The following SLC9A3 variants were observed in gnomAD, a reference collection of about 807,000 sequenced individuals.
SLC9A3 encodes solute carrier family 9 member A3.
In SLC9A3, 37 loss-of-function variants were observed where a neutral mutation model predicts 86.8. That is an observed-to-expected ratio of 0.43 (90% CI 0.33 to 0.56). The LOEUF (loss-of-function observed/expected upper bound fraction) is 0.56. Among genes scored for constraint, SLC9A3 ranks in the 20% least tolerant of loss-of-function variants. The pLI, the probability that SLC9A3 is intolerant of heterozygous loss-of-function variation, is 0.06. For missense variants in SLC9A3, 1,011 were observed against 1,171.9 expected, an observed-to-expected ratio of 0.86 and a Z score of 2.00; for synonymous variants, 581 against 528.3, an observed-to-expected ratio of 1.10 and a Z score of -1.37.
rs1238298096 is a variant in SLC9A3, at chr5:485,239, G to A, written c.676-8C>T. 2 of 1,612,046 alleles carry A rather than the reference G, an allele frequency of 1.2e-6. No individual in the cohort carries two copies. Among genetic ancestry groups the A allele is most frequent in the Admixed American group, 3.3e-5 (2 of 59,918 alleles). ...AAACACATTGTACAGAACCTGCAGGGAAAACGGGCAGGGCGTTGGGTGGTC... is the reference window on the plus strand; with the variant it reads ...AAACACATTGTACAGAACCTGCAGGAAAAACGGGCAGGGCGTTGGGTGGTC... On this transcript the variant is annotated splice_region_variant and splice_polypyrimidine_tract_variant and intron_variant, in intron 3 of 16. Transcript: ENST00000264938.
Position 476,359 on chromosome 5 carries a change from C to CGGCT in SLC9A3, c.1906_1909dup (p.Arg637GlnfsTer92). On this transcript the variant is annotated frameshift_variant, in exon 13 of 17. Transcript: ENST00000264938. LOFTEE classifies it high-confidence loss of function. ...GTCCTCCGTGGGCGTGAGCTCGTGT[C>CGGCT]GGCTGTACAGATGCTTGTACTGCGG... 6.2e-7 allele frequency: 1 copy of CGGCT among 1,613,800 alleles called. No individual in the cohort carries two copies. Among genetic ancestry groups the CGGCT allele is most frequent in the South Asian group, 1.1e-5 (1 of 91,060 alleles).
rs565833427 is a variant in SLC9A3 at position 503,944 on chromosome 5, A to T, written c.212-11873T>A. 2.4e-4 allele frequency among the ~76,000 whole-genome samples: 36 copies of T among 152,250 alleles called. 1 individual carries two copies. Among genetic ancestry groups the T allele is most frequent in the Admixed American group, 3.9e-4 (6 of 15,290 alleles). On this transcript the variant is annotated intron_variant, in intron 1 of 16. Coordinates refer to ENST00000264938, the MANE Select transcript of SLC9A3 (RefSeq NM_004174.4). The stretch of plus-strand genomic sequence containing the variant: ...GAGCTCTTGGGGGGTTCCCATCTTC[A>T]CCCGGTGCCTGGATTCTCAGGGTCC...
chr5:479,659 C>T lies in SLC9A3; in HGVS notation c.1647+177G>A, dbSNP rs192757127. ...GGACTCTGTGACTCAGTTTACCCCA[C>T]GAGAGCCCCTGGGATTCCCAGGGCA... On this transcript the variant is annotated intron_variant, in intron 10 of 16. Transcript: ENST00000264938. 5.0e-4 allele frequency: 309 copies of T among 616,694 alleles called. 3 individuals carry two copies. The East Asian group carries it at 8.3e-3, about 17-fold the overall frequency. 38.2% of individuals were successfully genotyped at this position (616,694 alleles called of 1,614,324 possible).
At chr5:509,582 G>A (rs570039930) in intron 1 of SLC9A3, among the ~76,000 whole-genome samples, 84 of 152,244 alleles carry the variant, frequency 5.5e-4, no homozygotes, top group African/African-American at 1.9e-3. Context: ...TGGAACCCTG[G>A]AACTCAGGCG....
At position 496,233 on chromosome 5, in the gene SLC9A3, C is replaced by CT. The variant is rs1481903465; in HGVS notation, c.212-4163_212-4162insA. Among the ~76,000 whole-genome samples the CT allele has an allele frequency of 6.6e-6, 1 of 152,156 alleles. No homozygotes were observed. The highest frequency in any genetic ancestry group is 1.5e-5 in the Non-Finnish European group (1 of 68,042). On this transcript the variant is annotated intron_variant, in intron 1 of 16. Coordinates refer to ENST00000264938, the MANE Select transcript of SLC9A3 (RefSeq NM_004174.4). The surrounding 1 kb of genome is among the most constrained non-coding windows in gnomAD (Gnocchi z 4.7). ...CGCCTTTCCCATGTGCGGTGGCGTC[C>CT]GAGGGCAGCTCCTGCAGTCTTCAGG...
In SLC9A3 at chr5:472,217, CAGG is replaced by C. The variant is rs1171329133; in HGVS notation, c.*1159_*1161del. ...GCTGGATGGTCTCCCTGCAGAGGAC[CAGG>C]AGCTCTGTCCAAGGCCTCGCCCTGG... is the stretch of plus-strand genomic sequence containing the variant. On this transcript the variant is annotated 3_prime_UTR_variant, in exon 17 of 17. Coordinates refer to ENST00000264938, the MANE Select transcript of SLC9A3 (RefSeq NM_004174.4). 1 of 360,596 alleles carries C rather than the reference CAGG, an allele frequency of 2.8e-6. No individual in the cohort carries two copies. Among genetic ancestry groups the C allele is most frequent in the Non-Finnish European group, 5.4e-6 (1 of 183,950 alleles). The allele number at this position is 360,596 out of a possible 1,614,324, so 22.3% of individuals were successfully genotyped here.
In SLC9A3 at chr5:476,308, T is replaced by C. The variant is rs777937971; in HGVS notation, c.1961A>G (p.His654Arg). ...EDEKQDREIF[H>R]RTMRKRLESF... ...CTCCAGGCGCTTCCGCATGGTCCTGTGGAAGATTTCCCGGTCCTGTTTCTC... is the reference window on the plus strand; with the variant it reads ...CTCCAGGCGCTTCCGCATGGTCCTGCGGAAGATTTCCCGGTCCTGTTTCTC... The change falls in exon 13 of 17, where the codon CAC becomes CGC. Residue 654 changes from histidine (H) to arginine (R), a missense_variant. Coordinates refer to ENST00000264938, the MANE Select transcript of SLC9A3 (RefSeq NM_004174.4). 1.9e-6 allele frequency: 3 copies of C among 1,613,986 alleles called. No individual in the cohort carries two copies. The highest frequency in any genetic ancestry group is 2.5e-6 in the Non-Finnish European group (3 of 1,179,994).
chr5:491,705 G>A lies in SLC9A3; in HGVS notation c.514+64C>T. Reference sequence around the variant, plus strand: ...CGGCACCCCGACCTTTCTGAGATGAGGCAGCGCCGCCCCTCCCGGACCCCA... The same window carrying A: ...CGGCACCCCGACCTTTCTGAGATGAAGCAGCGCCGCCCCTCCCGGACCCCA... On this transcript the variant is annotated intron_variant, in intron 2 of 16. Coordinates refer to ENST00000264938, the MANE Select transcript of SLC9A3 (RefSeq NM_004174.4). This position sits in a 1 kb window ranked among gnomAD's most constrained non-coding sequence, Gnocchi z 9.2. The A allele has an allele frequency of 7.1e-7, 1 of 1,401,048 alleles. No homozygotes were observed. The allele number at this position is 1,401,048 out of a possible 1,614,324, so 86.8% of individuals were successfully genotyped here.
At chr5:519,461 C>G (rs1189520232) in intron 1 of SLC9A3, among the ~76,000 whole-genome samples, 4 of 152,198 alleles carry the variant, frequency 2.6e-5, no homozygotes, top group African/African-American at 9.7e-5. Flanking sequence ...GTGAAGGTGA[C>G]CCACAGCTGC....
intron 1 of SLC9A3, among the ~76,000 whole-genome samples, chr5:498,734 G>A (rs1474978597): frequency 3.9e-5 from 6 of 152,212 alleles, no homozygotes; most frequent in Non-Finnish European, 8.8e-5. Context: ...TGTGCCCGCC[G>A]TGGAAGGTTC....
chr5:506,995 C>G (rs1015088334), intron 1 of SLC9A3, among the ~76,000 whole-genome samples: 1 of 149,510 alleles, frequency 6.7e-6, no homozygotes, highest in East Asian at 2.0e-4. Context: ...CGCTTGAACC[C>G]GGGAGGTGGA....
intron 8 of SLC9A3, 64 bp from the exon 9 acceptor site, chr5:481,699 C>A (rs1157018308): frequency 7.4e-7 from 1 of 1,349,956 alleles, no homozygotes; most frequent in African/African-American, 1.4e-5. Flanking sequence ...AGGTGCCCCT[C>A]CACTCCTGGC....
In SLC9A3 at chr5:481,587, C is replaced by T. The variant is rs544590423; in HGVS notation, c.1495G>A (p.Gly499Arg). The change falls in exon 9 of 17, where the codon GGG (glycine) becomes AGG (arginine). Residue 499 changes from glycine (G) to arginine (R), a missense_variant. Transcript: ENST00000264938. ...SAIEDISGQI[G>R]HNYLRDKWSH... ...TACTTGTCTCTGAGATAATTGTGCC[C>T]GATCTGTCCGGATATGTCCTCGATG... is the stretch of plus-strand genomic sequence containing the variant. 5.0e-6 allele frequency: 8 copies of T among 1,613,956 alleles called. No homozygotes were observed. Among genetic ancestry groups the T allele is most frequent in the Admixed American group, 3.3e-5 (2 of 60,010 alleles).
chr5:476,456 G>A (rs1011651984), intron 12 of SLC9A3, 78 bp from the exon 13 acceptor site: 11 of 1,604,192 alleles, frequency 6.9e-6, no homozygotes, highest in South Asian at 4.4e-5. Context: ...AGCTGAGCAC[G>A]GATCCCCCGT....
intron 15 of SLC9A3, 52 bp downstream of exon 15, chr5:475,509 G>GA (rs1450576456): frequency 5.4e-6 from 6 of 1,120,906 alleles, no homozygotes; most frequent in Non-Finnish European, 7.9e-6. Context: ...TCCCTCCTGG[G>GA]GCGGCAGGAG....
At chr5:500,751 A>G (rs112143400) in intron 1 of SLC9A3, among the ~76,000 whole-genome samples, 1 of 117,568 alleles carries the variant, frequency 8.5e-6, no homozygotes, top group African/African-American at 3.4e-5. Context: ...GGACGGGGTC[A>G]GTGTGGACAC....
rs754215754 is a variant in SLC9A3, at chr5:524,264, C to CCCAGCG, written c.53_58dup (p.Ala18_Leu19dup). ...GACGCCCCCGGCCCGCGCCAGCCCGCCCAGCGCCAGCGCCAGCAGCAGCCC... is the reference window on the plus strand; with the variant it reads ...GACGCCCCCGGCCCGCGCCAGCCCGCCCAGCGCCAGCGCCAGCGCCAGCAGCAGCCC... On this transcript the variant is annotated inframe_insertion, in exon 1 of 17. Coordinates refer to ENST00000264938, the MANE Select transcript of SLC9A3 (RefSeq NM_004174.4). 23 of 1,390,304 alleles carry CCCAGCG rather than the reference C, an allele frequency of 1.7e-5. 1 individual carries two copies. The South Asian group carries it at 2.1e-4, about 13-fold the overall frequency. 86.1% of individuals were successfully genotyped at this position (1,390,304 alleles called of 1,614,324 possible).
intron 1 of SLC9A3, 54 bp downstream of exon 1, chr5:524,058 G>T: frequency 7.9e-7 from 1 of 1,273,366 alleles, no homozygotes; most frequent in Non-Finnish European, 1.1e-6. Context: ...CCCAGGCCCA[G>T]CAGAGGCGGC....
chr5:473,371 A>G lies in SLC9A3; in HGVS notation c.*8T>C. On this transcript the variant is annotated 3_prime_UTR_variant, in exon 17 of 17. Transcript: ENST00000264938. ...GAGCGGCCGGTTAGCGGCGTGTCGG[A>G]GCCGGTGTCACCTGCGGGAGAGGAA... is the stretch of plus-strand genomic sequence containing the variant. 7.1e-7 allele frequency: 1 copy of G among 1,417,256 alleles called. No homozygotes were observed. The highest frequency in any genetic ancestry group is 9.3e-7 in the Non-Finnish European group (1 of 1,078,718). The allele number at this position is 1,417,256 out of a possible 1,614,324, so 87.8% of individuals were successfully genotyped here. A position where few individuals can be genotyped will look rare whatever the true frequency, so the allele number is the denominator to read the frequency against.
Sources: gnomAD v4.1 joint callset for allele counts (sites outside exome capture counted in the v4.1 genomes callset) on GRCh38, gnomAD v4.1.1 for gene constraint, Gnocchi (gnomAD v3.1) non-coding constraint, MANE v1.5 for transcripts, NCBI Gene and HGNC (gene_info 2026-07-23, HGNC 2026-07-21) for gene names.